Variants in RNF150 observed in about 807,000 individuals in gnomAD.
RNF150 encodes the protein ring finger protein 150.
In RNF150, 24 loss-of-function variants were observed where a neutral mutation model predicts 39.3. The ratio of observed to expected loss-of-function variants is 0.61; its 90% confidence interval spans 0.44 to 0.86. The LOEUF (loss-of-function observed/expected upper bound fraction) is 0.86, where lower values mean the gene tolerates loss of function less well. Among genes scored for constraint, RNF150 ranks in the 40% least tolerant of loss-of-function variants. The pLI, the probability that RNF150 is intolerant of heterozygous loss-of-function variation, is 0.00. For missense variants in RNF150, 502 were observed against 587.8 expected (o/e 0.85, Z 1.51); for synonymous variants, 255 against 227.3 (o/e 1.12, Z -1.10).
At chr4:141,008,171 T>G (rs1471522273) in intron 1 of RNF150, among the ~76,000 whole-genome samples, 2 of 152,348 alleles carry the variant, frequency 1.3e-5, no homozygotes, top group African/African-American at 4.8e-5. Flanking sequence ...CATAAAGAAG[T>G]AAGTTTCAAT....
intron 1 of RNF150, among the ~76,000 whole-genome samples, chr4:141,099,696 T>C (rs532380168): frequency 6.6e-6 from 1 of 152,138 alleles, no homozygotes; most frequent in South Asian, 2.1e-4. Context: ...AATGAGAGAT[T>C]AGAGATGTCA....
chr4:141,210,516 T>C (rs1049676361), intron 1 of RNF150, among the ~76,000 whole-genome samples: 2 of 150,000 alleles, frequency 1.3e-5, no homozygotes, highest in Non-Finnish European at 3.0e-5. Context: ...GAGAGGGTAG[T>C]GGTGATAAGA....
At chr4:141,157,017 G>T (rs1727417463) in intron 1 of RNF150, among the ~76,000 whole-genome samples, 8 of 152,198 alleles carry the variant, frequency 5.3e-5, no homozygotes. Context: ...GATGCTTTCA[G>T]CTGCAAGTAT....
intron 1 of RNF150, among the ~76,000 whole-genome samples, chr4:140,997,818 G>A (rs1734437426): frequency 6.6e-6 from 1 of 152,032 alleles, no homozygotes; most frequent in East Asian, 1.9e-4. Context: ...CTATATTTAT[G>A]TAAAAAGAAA....
chr4:140,984,760 G>A (rs1390884133), intron 1 of RNF150, among the ~76,000 whole-genome samples: 1 of 152,072 alleles, frequency 6.6e-6, no homozygotes, highest in African/African-American at 2.4e-5. Flanking sequence ...TACCACCTAG[G>A]AGCAGCCATG....
At chr4:141,004,229 T>TA (rs11413709) in intron 1 of RNF150, among the ~76,000 whole-genome samples, 23,466 of 129,372 alleles carry the variant, frequency 0.18, 2,019 homozygotes, top group Middle Eastern at 0.28. Context: ...CAGATGTTAG[T>TA]AAAAAAAAAA....
intron 4 of RNF150, among the ~76,000 whole-genome samples, chr4:140,929,428 G>A (rs1391590682): frequency 1.1e-4 from 16 of 139,336 alleles, no homozygotes; most frequent in African/African-American, 3.5e-4. Context: ...GTGCAGTGGC[G>A]CGATCTCGGC....
At chr4:141,055,555 T>G (rs10024323) in intron 1 of RNF150, among the ~76,000 whole-genome samples, 118,287 of 152,040 alleles carry the variant, frequency 0.78, 46,411 homozygotes, top group Non-Finnish European at 0.84. Context: ...TGGGTAAAAT[T>G]AACTCTAAGG....
chr4:140,946,677 A>AT (rs376112449), intron 4 of RNF150, among the ~76,000 whole-genome samples: 8 of 151,066 alleles, frequency 5.3e-5, no homozygotes, highest in South Asian at 2.1e-4. Flanking sequence ...CTAATTTTTA[A>AT]TTTTTTTTTG....
chr4:141,086,416 C>G (rs985525593), intron 1 of RNF150, among the ~76,000 whole-genome samples: 6 of 152,168 alleles, frequency 3.9e-5, no homozygotes, highest in African/African-American at 1.4e-4. Flanking sequence ...ATAATAATAT[C>G]TGACTTTATC....
Position 141,201,500 on chromosome 4 carries a change from T to C in RNF150, c.-6+11294A>G, listed in dbSNP as rs1379819929. Among the ~76,000 whole-genome samples, 3 of 151,828 alleles carry C rather than the reference T, an allele frequency of 2.0e-5. No individual in the cohort carries two copies. In the East Asian group the frequency reaches 5.8e-4, roughly 29 times the overall value. ...TCTCCTTGTAATTTTTATTGGTGTG[T>C]CTTCCAGAAGGTCAGCCATTCAAGG... On this transcript the variant is annotated intron_variant, in intron 1 of 7. Transcript: ENST00000420921.
chr4:141,043,092 T>C (rs1316537065), intron 1 of RNF150, among the ~76,000 whole-genome samples: 1 of 152,136 alleles, frequency 6.6e-6, no homozygotes, highest in East Asian at 1.9e-4. Context: ...AAATATAATA[T>C]GAATGTCAGT....
At chr4:141,119,978 T>C (rs1726556450) in intron 1 of RNF150, among the ~76,000 whole-genome samples, 1 of 152,222 alleles carries the variant, frequency 6.6e-6, no homozygotes, top group South Asian at 2.1e-4. Context: ...TAATAAAAAT[T>C]CATTACTTCA....
chr4:140,990,953 T>C (rs1007749288), intron 1 of RNF150, among the ~76,000 whole-genome samples: 1 of 152,156 alleles, frequency 6.6e-6, no homozygotes, highest in African/African-American at 2.4e-5. Context: ...TTCCCAGCAA[T>C]AGTGCAAAAG....
chr4:140,974,045 C>G (rs1251568959), intron 1 of RNF150, among the ~76,000 whole-genome samples: 1 of 151,922 alleles, frequency 6.6e-6, no homozygotes, highest in African/African-American at 2.4e-5. Context: ...TTGGATTTCA[C>G]CAGTTTTTGC....
chr4:140,899,706 C>A (rs1206651029), intron 6 of RNF150, among the ~76,000 whole-genome samples: 3 of 152,138 alleles, frequency 2.0e-5, no homozygotes, highest in Non-Finnish European at 1.5e-5. Context: ...ATTATCCAAA[C>A]AAAGTGAAGA....
chr4:141,161,213 C>T (rs986459568), intron 1 of RNF150, among the ~76,000 whole-genome samples: 4 of 152,186 alleles, frequency 2.6e-5, no homozygotes, highest in African/African-American at 9.7e-5. Flanking sequence ...GTAAAGATCA[C>T]TTTTGCTATG....
At chr4:141,150,621 C>G (rs78671103) in intron 1 of RNF150, among the ~76,000 whole-genome samples, 1 of 152,198 alleles carries the variant, frequency 6.6e-6, no homozygotes, top group East Asian at 1.9e-4. Flanking sequence ...CCTATATGGC[C>G]CCTGATGAAT....
chr4:140,997,641 G>C (rs1266678625), intron 1 of RNF150, among the ~76,000 whole-genome samples: 5 of 128,282 alleles, frequency 3.9e-5, no homozygotes, highest in African/African-American at 1.3e-4. Flanking sequence ...CTTGAACTCG[G>C]AAGGTGGAGG....
Sources: gnomAD v4.1 joint callset for allele counts (sites outside exome capture counted in the v4.1 genomes callset) on GRCh38, gnomAD v4.1.1 for gene constraint, MANE v1.5 for transcripts, NCBI Gene and HGNC (gene_info 2026-07-23, HGNC 2026-07-21) for gene names.